The following SRBD1 variants were observed in gnomAD, a reference collection of about 807,000 sequenced individuals.
SRBD1 encodes the protein S1 RNA binding domain 1.
SRBD1 carries 88 observed loss-of-function variants against 115.3 expected under a neutral mutation model. The observed-to-expected ratio is 0.76, with a 90% CI of 0.64 to 0.91. The LOEUF (loss-of-function observed/expected upper bound fraction) is 0.91, where lower values mean the gene tolerates loss of function less well. Ranked by LOEUF, SRBD1 falls within the 40% of genes least tolerant of loss-of-function variation. The pLI is 0.00. For missense variants in SRBD1, 1,385 were observed against 1,177.4 expected, an observed-to-expected ratio of 1.18 and a Z score of -2.58; for synonymous variants, 509 against 407.7, an observed-to-expected ratio of 1.25 and a Z score of -2.99.
chr2:45,428,858 A>G (rs867413844), intron 16 of SRBD1, among the ~76,000 whole-genome samples: 11 of 152,336 alleles, frequency 7.2e-5, no homozygotes, highest in Admixed American at 2.6e-4. Context: ...AAACTCTCCA[A>G]AAGAATCCAG....
intron 7 of SRBD1, among the ~76,000 whole-genome samples, chr2:45,578,805 C>G (rs778265832): frequency 5.3e-5 from 8 of 152,046 alleles, no homozygotes; most frequent in Non-Finnish European, 8.8e-5. Context: ...TTAATAATAT[C>G]GTAATGTATA....
At chr2:45,444,655 A>C (rs1668767660) in intron 16 of SRBD1, among the ~76,000 whole-genome samples, 1 of 152,218 alleles carries the variant, frequency 6.6e-6, no homozygotes, top group African/African-American at 2.4e-5. Flanking sequence ...TCTTTAGTTA[A>C]AAATAATCAC....
intron 14 of SRBD1, among the ~76,000 whole-genome samples, chr2:45,493,326 G>C (rs955660242): frequency 1.3e-5 from 2 of 152,156 alleles, no homozygotes. Context: ...CAAAAGAATA[G>C]CTGTTTGTAT....
At chr2:45,598,973 A>G (rs538581992) in intron 4 of SRBD1, among the ~76,000 whole-genome samples, 17 of 152,230 alleles carry the variant, frequency 1.1e-4, no homozygotes, top group Admixed American at 2.0e-4. Context: ...AAGACATATA[A>G]TTCTGGCATC....
At chr2:45,399,327 T>C (rs2103827613) in intron 19 of SRBD1, among the ~76,000 whole-genome samples, 1 of 152,324 alleles carries the variant, frequency 6.6e-6, no homozygotes, top group South Asian at 2.1e-4. Flanking sequence ...AGCCTTTGCC[T>C]TGAATGAGCT....
Position 45,463,379 on chromosome 2 carries a change from C to T in SRBD1, c.2049+13614G>A, listed in dbSNP as rs559474300. On this transcript the variant is annotated intron_variant, in intron 16 of 20. Coordinates refer to ENST00000263736, the MANE Select transcript of SRBD1 (RefSeq NM_018079.5). ...TGTAACATAATCTTACAAGTAATTA[C>T]ATTTGCCTGTGCTATTCTTAAAGAT... Among the ~76,000 whole-genome samples, 53 of 152,270 alleles carry T rather than the reference C, an allele frequency of 3.5e-4. 1 individual carries two copies. The highest frequency in any genetic ancestry group is 1.3e-3 in the African/African-American group (53 of 41,574).
At chr2:45,445,760 C>T (rs1479007583) in intron 16 of SRBD1, among the ~76,000 whole-genome samples, 1 of 152,026 alleles carries the variant, frequency 6.6e-6, no homozygotes, top group Non-Finnish European at 1.5e-5. Context: ...ACTGATAACT[C>T]ACCTATGAAA....
At chr2:45,610,070 A>G (rs530227254) in intron 1 of SRBD1, among the ~76,000 whole-genome samples, 4 of 152,248 alleles carry the variant, frequency 2.6e-5, no homozygotes, top group Non-Finnish European at 5.9e-5. Context: ...GTGATGGCAC[A>G]TAAGAATATT....
chr2:45,532,133 G>A (rs1671632248), intron 14 of SRBD1, among the ~76,000 whole-genome samples: 1 of 151,354 alleles, frequency 6.6e-6, no homozygotes, highest in Non-Finnish European at 1.5e-5. Flanking sequence ...TCTCTTCTCT[G>A]GCTAACTTTT....
At chr2:45,569,406 T>A (rs906668613) in intron 9 of SRBD1, 1 of 152,128 alleles carries the variant, frequency 6.6e-6, no homozygotes, top group Non-Finnish European at 1.5e-5. Flanking sequence ...ATAGCGCACT[T>A]CAGCCCAGAA....
Position 45,559,561 on chromosome 2 carries a change from G to T in SRBD1, c.1409+3092C>A, listed in dbSNP as rs118167901. 9.3e-4 allele frequency among the ~76,000 whole-genome samples: 141 copies of T among 152,176 alleles called. 2 individuals carry two copies. In the East Asian group the frequency reaches 0.014, roughly 16 times the overall value. On this transcript the variant is annotated intron_variant, in intron 10 of 20. Transcript: ENST00000263736. ...AAGCAGTATATCTGTCTAATTTACA[G>T]GGGAATCTCCAAAATCTAGCACATA...
At chr2:45,428,726 A>T (rs892747076) in intron 16 of SRBD1, among the ~76,000 whole-genome samples, 12 of 152,152 alleles carry the variant, frequency 7.9e-5, no homozygotes, top group Non-Finnish European at 1.8e-4. Context: ...AAGATCTAAA[A>T]TTGACACTCT....
intron 14 of SRBD1, among the ~76,000 whole-genome samples, chr2:45,544,232 CAAAAAAA>C (rs777800446): frequency 1.1e-4 from 8 of 72,288 alleles, no homozygotes; most frequent in Non-Finnish European, 1.9e-4. Context: ...GACTCCGGCT[CAAAAAAA>C]AAAAAAAAAA....
intron 16 of SRBD1, among the ~76,000 whole-genome samples, chr2:45,458,529 T>G (rs1413199301): frequency 6.6e-6 from 1 of 152,180 alleles, no homozygotes; most frequent in Non-Finnish European, 1.5e-5. Context: ...CTGACAACTT[T>G]ATTTCCTTTC....
At chr2:45,496,083 C>A (rs1454352413) in intron 14 of SRBD1, among the ~76,000 whole-genome samples, 2 of 152,156 alleles carry the variant, frequency 1.3e-5, no homozygotes, top group Non-Finnish European at 2.9e-5. Context: ...AGATACAAAT[C>A]TGAGAGCTGC....
chr2:45,531,734 C>G (rs1007802405), intron 14 of SRBD1, among the ~76,000 whole-genome samples: 3 of 151,716 alleles, frequency 2.0e-5, no homozygotes, highest in African/African-American at 7.3e-5. Flanking sequence ...AGACAACAGC[C>G]TCTAAAACAT....
intron 7 of SRBD1, among the ~76,000 whole-genome samples, chr2:45,577,334 A>G (rs954790675): frequency 2.0e-5 from 3 of 152,244 alleles, no homozygotes; most frequent in Non-Finnish European, 2.9e-5. Flanking sequence ...AGATGTTCCA[A>G]AAGTTTAGCA....
In SRBD1 at chr2:45,553,623, C is replaced by A; in HGVS notation, c.1517G>T (p.Arg506Ile). The change falls in exon 11 of 21, where the codon AGA becomes ATA. Residue 506 changes from arginine to isoleucine, a missense_variant and splice_region_variant. By Grantham distance (97) the Arg-to-Ile change is moderately conservative. Coordinates refer to ENST00000263736, the MANE Select transcript of SRBD1 (RefSeq NM_018079.5). ...AAATTAAACAAGACAAGATATATACCTGAATTCTCTACAGAGAAGAGGATA... is the reference window on the plus strand; with the variant it reads ...AAATTAAACAAGACAAGATATATACATGAATTCTCTACAGAGAAGAGGATA... ...LIYPLLCREFRAKLTSDAEKE... is the reference protein window; with the variant it reads ...LIYPLLCREFIAKLTSDAEKE... The A allele has an allele frequency of 1.3e-6, 2 of 1,570,066 alleles. No homozygotes were observed. Among genetic ancestry groups the A allele is most frequent in the South Asian group, 2.4e-5 (2 of 84,326 alleles).
chr2:45,521,628 T>C (rs1265224476), intron 14 of SRBD1, among the ~76,000 whole-genome samples: 1 of 152,144 alleles, frequency 6.6e-6, no homozygotes, highest in Non-Finnish European at 1.5e-5. Context: ...TACAATTTGA[T>C]TGTATATTTA....
Sources: gnomAD v4.1 joint callset for allele counts (sites outside exome capture counted in the v4.1 genomes callset) on GRCh38, gnomAD v4.1.1 for gene constraint, MANE v1.5 for transcripts, NCBI Gene and HGNC (gene_info 2026-07-23, HGNC 2026-07-21) for gene names.